The following KCNK13 variants were observed in gnomAD, a reference collection of about 807,000 sequenced individuals.
KCNK13 encodes the protein potassium channel subfamily K member 13.
A neutral mutation model predicts 23.4 loss-of-function variants in KCNK13; 12 were observed. The ratio of observed to expected loss-of-function variants is 0.51; its 90% confidence interval spans 0.33 to 0.83. KCNK13 has a LOEUF of 0.83. Ranked by LOEUF, KCNK13 falls within the 40% of genes least tolerant of loss-of-function variation. The pLI, the probability that KCNK13 is intolerant of heterozygous loss-of-function variation, is 0.02. For synonymous variants in KCNK13, 231 were observed against 229.5 expected, an observed-to-expected ratio of 1.01 and a Z score of -0.06; for missense variants, 463 against 556.3, an observed-to-expected ratio of 0.83 and a Z score of 1.69.
At position 90,139,697 on chromosome 14, in the gene KCNK13, C is replaced by T. The variant is rs553972023; in HGVS notation, c.335-44414C>T. Among the ~76,000 whole-genome samples, 7 of 152,318 alleles carry T rather than the reference C, an allele frequency of 4.6e-5. No individual in the cohort carries two copies. In the East Asian group the frequency reaches 1.3e-3, roughly 29 times the overall value. On this transcript the variant is annotated intron_variant, in intron 1 of 1. Transcript: ENST00000282146. ...CCGATAGGGGCTGGGTGCGGTGTCT[C>T]ATACCTGTAATCCCAGCACTTTGGG...
chr14:90,139,340 G>A (rs527501089), intron 1 of KCNK13, among the ~76,000 whole-genome samples: 9 of 152,208 alleles, frequency 5.9e-5, no homozygotes, highest in South Asian at 2.1e-4. Context: ...ATGAGGAATC[G>A]GGGAAGAGCA....
intron 1 of KCNK13, among the ~76,000 whole-genome samples, chr14:90,084,819 A>G (rs1457676856): frequency 6.6e-6 from 1 of 152,206 alleles, no homozygotes; most frequent in Non-Finnish European, 1.5e-5. Flanking sequence ...GAATGTTTTT[A>G]TCACAAAGAG....
intron 1 of KCNK13, among the ~76,000 whole-genome samples, chr14:90,072,658 T>A (rs1330013015): frequency 1.3e-5 from 2 of 152,216 alleles, no homozygotes; most frequent in African/African-American, 4.8e-5. Flanking sequence ...TAAAAGGAAC[T>A]AAGGGCAGTT....
chr14:90,135,512 T>C (rs1321598170), intron 1 of KCNK13, among the ~76,000 whole-genome samples: 1 of 152,210 alleles, frequency 6.6e-6, no homozygotes, highest in African/African-American at 2.4e-5. Flanking sequence ...CACTACCCGA[T>C]GTGGGGTCTC....
intron 1 of KCNK13, among the ~76,000 whole-genome samples, chr14:90,141,796 G>GA (rs370680036): frequency 1.2e-4 from 18 of 145,438 alleles, no homozygotes; most frequent in African/African-American, 4.6e-4. Flanking sequence ...TTGTTTTTTG[G>GA]GGGGGGGGAC....
At chr14:90,111,265 G>C (rs1337506477) in intron 1 of KCNK13, among the ~76,000 whole-genome samples, 2 of 152,196 alleles carry the variant, frequency 1.3e-5, no homozygotes, top group Non-Finnish European at 2.9e-5. Flanking sequence ...AGGATGGAGA[G>C]TTGGCCACCC....
At position 90,062,215 on chromosome 14, in the gene KCNK13, CG is replaced by C; in HGVS notation, c.14del (p.Gly5ValfsTer9). 1 of 1,429,278 alleles carries C rather than the reference CG, an allele frequency of 7.0e-7. No homozygotes were observed. Among genetic ancestry groups the C allele is most frequent in the South Asian group, 1.4e-5 (1 of 71,002 alleles). 88.5% of individuals were successfully genotyped at this position (1,429,278 alleles called of 1,614,324 possible). MAG[R>X]GFSWGPGHLN... ...CCCCGGGGGCCCGGCCATGGCTGGC[CG>C]GGGTTTCAGCTGGGGCCCGGGCCAC... is the stretch of plus-strand genomic sequence containing the variant. On this transcript the variant is annotated frameshift_variant, in exon 1 of 2. Coordinates refer to ENST00000282146, the MANE Select transcript of KCNK13 (RefSeq NM_022054.4). LOFTEE classifies it high-confidence loss of function. This position sits in a 1 kb window ranked among gnomAD's most constrained non-coding sequence, Gnocchi z 4.5.
chr14:90,175,539 T>C (rs2140446214), intron 1 of KCNK13, among the ~76,000 whole-genome samples: 1 of 152,264 alleles, frequency 6.6e-6, no homozygotes, highest in Non-Finnish European at 1.5e-5. Flanking sequence ...AGGCCTCCTC[T>C]TGAAGCCCCT....
intron 1 of KCNK13, among the ~76,000 whole-genome samples, chr14:90,084,710 C>T (rs1889252198): frequency 6.6e-6 from 1 of 152,096 alleles, no homozygotes; most frequent in Admixed American, 6.5e-5. Flanking sequence ...TATTCCTGAT[C>T]TTGAAGGAAA....
At chr14:90,164,068 C>CT (rs1206932286) in intron 1 of KCNK13, among the ~76,000 whole-genome samples, 2 of 152,208 alleles carry the variant, frequency 1.3e-5, no homozygotes, top group African/African-American at 4.8e-5. Context: ...TGGGAGGTGT[C>CT]TGTCTTCAGT....
At chr14:90,065,497 G>A (rs1888997069) in intron 1 of KCNK13, among the ~76,000 whole-genome samples, 1 of 152,186 alleles carries the variant, frequency 6.6e-6, no homozygotes, top group Non-Finnish European at 1.5e-5. Flanking sequence ...GTGAATCGAG[G>A]AAGGAAAGTA....
chr14:90,127,730 G>T (rs191093832), intron 1 of KCNK13, among the ~76,000 whole-genome samples: 1 of 147,676 alleles, frequency 6.8e-6, no homozygotes, highest in Admixed American at 6.9e-5. Flanking sequence ...GAGGCGGGAG[G>T]ATCCCTTGAG....
At chr14:90,137,941 A>G (rs965057868) in intron 1 of KCNK13, among the ~76,000 whole-genome samples, 14 of 152,190 alleles carry the variant, frequency 9.2e-5, no homozygotes, top group African/African-American at 1.4e-4. Flanking sequence ...TCGGTTCTCA[A>G]TGAGGAGTTG....
At chr14:90,076,880 C>T (rs1209420163) in intron 1 of KCNK13, among the ~76,000 whole-genome samples, 3 of 152,090 alleles carry the variant, frequency 2.0e-5, no homozygotes, top group Admixed American at 6.6e-5. Flanking sequence ...AGTGCAGTGG[C>T]GTGATCTCCG....
chr14:90,172,122 G>A (rs1890371150), intron 1 of KCNK13, among the ~76,000 whole-genome samples: 1 of 152,080 alleles, frequency 6.6e-6, no homozygotes, highest in Non-Finnish European at 1.5e-5. Flanking sequence ...TTCCAGACCA[G>A]CCTGGTCAAT....
chr14:90,159,948 T>TGTGTGTGTGTGTGTGTGTGTAGGG (rs1169473746), intron 1 of KCNK13, among the ~76,000 whole-genome samples: 1 of 16,152 alleles, frequency 6.2e-5, no homozygotes, highest in Non-Finnish European at 2.1e-4. Flanking sequence ...TGTGTAGGGG[T>TGTGTGTGTGTGTGTGTGTGTAGGG]GTGTGTGTGT....
At chr14:90,159,783 A>G (rs1890232235) in intron 1 of KCNK13, among the ~76,000 whole-genome samples, 1 of 152,136 alleles carries the variant, frequency 6.6e-6, no homozygotes, top group Admixed American at 6.6e-5. Context: ...AGGTTAAATA[A>G]TTTGCTTAAG....
chr14:90,123,748 C>T (rs1784492668), intron 1 of KCNK13, among the ~76,000 whole-genome samples: 1 of 152,160 alleles, frequency 6.6e-6, no homozygotes, highest in Admixed American at 6.5e-5. Context: ...CCTCCTGACT[C>T]AGCCTCCCAT....
chr14:90,063,514 GC>G (rs1168461850), intron 1 of KCNK13, among the ~76,000 whole-genome samples: 1 of 151,980 alleles, frequency 6.6e-6, no homozygotes, highest in Non-Finnish European at 1.5e-5. Flanking sequence ...TCTGAGGGGG[GC>G]AAAAAGAGAC....
Sources: gnomAD v4.1 joint callset for allele counts (sites outside exome capture counted in the v4.1 genomes callset) on GRCh38, gnomAD v4.1.1 for gene constraint, Gnocchi (gnomAD v3.1) non-coding constraint, MANE v1.5 for transcripts, NCBI Gene and HGNC (gene_info 2026-07-23, HGNC 2026-07-21) for gene names.